TMEM35A: variants seen among roughly 807,000 people sequenced by gnomAD.
The protein encoded by TMEM35A is nicotinic acetylcholine receptor chaperone.
For missense variants in TMEM35A, 83 were observed against 132.7 expected, an observed-to-expected ratio of 0.63 and a Z score of 1.84; for synonymous variants, 50 against 54.7, an observed-to-expected ratio of 0.91 and a Z score of 0.38.
chrX:101,094,285 T>G (rs2089332426), intron 1 of TMEM35A: 2 of 173,991 alleles, frequency 1.1e-5, no homozygotes, highest in Non-Finnish European at 2.1e-5. Flanking sequence ...CTGGCTAATT[T>G]TTGTATTTTT....
intron 1 of TMEM35A, among the ~76,000 whole-genome samples, chrX:101,090,214 G>A (rs113608024): frequency 0.078 from 8,163 of 104,893 alleles, 1,143 homozygotes; most frequent in African/African-American, 0.29. Context: ...CCAGGCTGGT[G>A]CCATCTTGAC....
chrX:101,089,119 C>T (rs1210392596), intron 1 of TMEM35A, among the ~76,000 whole-genome samples: 2 of 111,472 alleles, frequency 1.8e-5, no homozygotes, highest in Non-Finnish European at 3.8e-5. Context: ...CAAGGTTTTA[C>T]TCTGCCTACT....
chrX:101,092,637 A>T (rs913126842), intron 1 of TMEM35A, among the ~76,000 whole-genome samples: 3 of 110,092 alleles, frequency 2.7e-5, no homozygotes, highest in Non-Finnish European at 5.7e-5. Flanking sequence ...AGGTGGGCAG[A>T]TCACCTGAGG....
At chrX:101,087,625 G>A (rs58556111) in intron 1 of TMEM35A, among the ~76,000 whole-genome samples, 11,225 of 111,310 alleles carry the variant, frequency 0.1, 1,389 homozygotes, top group African/African-American at 0.35. Flanking sequence ...GTTTGGCCCC[G>A]GGCTACAGAT....
chrX:101,088,023 A>G (rs2089312581), intron 1 of TMEM35A, among the ~76,000 whole-genome samples: 1 of 109,003 alleles, frequency 9.2e-6, no homozygotes, highest in African/African-American at 3.4e-5. Context: ...AAATAAATAA[A>G]TAAAATAAAA....
chrX:101,088,349 C>T (rs7882199), intron 1 of TMEM35A, among the ~76,000 whole-genome samples: 11,387 of 112,631 alleles, frequency 0.1, 1,401 homozygotes, highest in African/African-American at 0.35. Context: ...TGGTGGCTCA[C>T]GCCTGTAATC....
intron 1 of TMEM35A, among the ~76,000 whole-genome samples, chrX:101,094,202 A>C (rs1340683368): frequency 9.1e-6 from 1 of 109,316 alleles, no homozygotes; most frequent in Non-Finnish European, 1.9e-5. Context: ...TGCAATCTCC[A>C]TCTCCCGAGT....
intron 1 of TMEM35A, among the ~76,000 whole-genome samples, chrX:101,086,841 TAA>T (rs887997437): frequency 1.2e-4 from 13 of 111,288 alleles, no homozygotes; most frequent in African/African-American, 3.9e-4. Context: ...TCCATACAAT[TAA>T]AGTCTTTAGA....
intron 1 of TMEM35A, among the ~76,000 whole-genome samples, chrX:101,084,440 G>A (rs1326461571): frequency 5.9e-5 from 2 of 34,123 alleles, no homozygotes; most frequent in Non-Finnish European, 9.8e-5. Context: ...GCTTTCTTCT[G>A]CTTTCATATA....
In TMEM35A at chrX:101,079,048, C is replaced by G. The variant is rs1483593939; in HGVS notation, c.46C>G (p.Leu16Val). The change falls in exon 1 of 2, where the codon CTG becomes GTG. Residue 16 changes from leucine to valine, a missense_variant. Coordinates refer to ENST00000372930, the MANE Select transcript of TMEM35A (RefSeq NM_021637.3). Reference sequence around the variant, plus strand: ...AACTATTGTGGCCCTCTCAGTGGCCCTGGGACTCTTCTTTGTTTTCATGGG... The same window carrying G: ...AACTATTGTGGCCCTCTCAGTGGCCGTGGGACTCTTCTTTGTTTTCATGGG... Reference protein sequence around the residue: ...TVTIVALSVALGLFFVFMGTI... With the variant: ...TVTIVALSVAVGLFFVFMGTI... The G allele has an allele frequency of 1.7e-6, 2 of 1,211,436 alleles. No homozygotes were observed. The highest frequency in any genetic ancestry group is 2.2e-6 in the Non-Finnish European group (2 of 895,296).
At position 101,094,821 on chromosome X, in the gene TMEM35A, C is replaced by A; in HGVS notation, c.369C>A (p.Ile123=). ...KRYAHALVFG[I]LLTCRLLIAR... ...ACGCCCATGCTCTGGTGTTTGGAAT[C>A]CTGCTCACTTGCCGCCTGCTGATTG... is the stretch of plus-strand genomic sequence containing the variant. Residue 123 remains isoleucine, a synonymous_variant, in exon 2 of 2, where the codon ATC becomes ATA. Transcript: ENST00000372930. 1 of 1,211,132 alleles carries A rather than the reference C, an allele frequency of 8.3e-7. No individual in the cohort carries two copies. Among genetic ancestry groups the A allele is most frequent in the Non-Finnish European group, 1.1e-6 (1 of 895,572 alleles).
chrX:101,089,006 T>C (rs919519944), intron 1 of TMEM35A, among the ~76,000 whole-genome samples: 1 of 110,619 alleles, frequency 9.0e-6, no homozygotes, highest in Non-Finnish European at 1.9e-5. Context: ...GCAAGTGGCA[T>C]GTATTTAGGT....
Position 101,095,731 on chromosome X carries a change from AT to A in TMEM35A, c.*777del. The A allele has an allele frequency of 2.7e-5, 3 of 111,773 alleles. No individual in the cohort carries two copies. The highest frequency in any genetic ancestry group is 9.2e-3 in the Middle Eastern group (2 of 217). The allele number at this position is 111,773 out of a possible 1,213,427, so 9.2% of individuals were successfully genotyped here. A position where few individuals can be genotyped will look rare whatever the true frequency, so the allele number is the denominator to read the frequency against. ...CCTTGCCTTTGTCCAAGCCCCACCTATTAAAACCCTTTACTCACAGTTTGAA... is the reference window on the plus strand; with the variant it reads ...CCTTGCCTTTGTCCAAGCCCCACCTATAAAACCCTTTACTCACAGTTTGAA... On this transcript the variant is annotated 3_prime_UTR_variant, in exon 2 of 2. Transcript: ENST00000372930.
rs1337362385 is a variant in TMEM35A, at chrX:101,095,288, T to C, written c.*332T>C. On this transcript the variant is annotated 3_prime_UTR_variant, in exon 2 of 2. Transcript: ENST00000372930. ...TGTGGGAAAATGTATTTAACTACTC[T>C]GTGTGTGTGTGTGTGTGTGTGTGCG... 1.1e-5 allele frequency: 1 copy of C among 88,376 alleles called. No individual in the cohort carries two copies. The highest frequency in any genetic ancestry group is 9.9e-5 in the African/African-American group (1 of 10,150). 7.3% of individuals were successfully genotyped at this position (88,376 alleles called of 1,213,427 possible).
chrX:101,092,357 T>G (rs1281076832), intron 1 of TMEM35A, among the ~76,000 whole-genome samples: 3 of 111,840 alleles, frequency 2.7e-5, no homozygotes, highest in Admixed American at 9.6e-5. Context: ...AAAATATGAA[T>G]GATCTGTAAC....
intron 1 of TMEM35A, among the ~76,000 whole-genome samples, chrX:101,092,967 G>T (rs1314764373): frequency 8.9e-6 from 1 of 112,496 alleles, no homozygotes; most frequent in Non-Finnish European, 1.9e-5. Context: ...AAATGAGAAT[G>T]ATTTTGTCTT....
intron 1 of TMEM35A, among the ~76,000 whole-genome samples, chrX:101,080,115 A>G (rs995782733): frequency 2.7e-5 from 3 of 111,456 alleles, no homozygotes; most frequent in African/African-American, 9.8e-5. Flanking sequence ...CCTTTGCCAG[A>G]CTTCCAATAA....
intron 1 of TMEM35A, chrX:101,094,330 G>A (rs1306268698): frequency 1.2e-5 from 3 of 260,004 alleles, no homozygotes; most frequent in Non-Finnish European, 2.0e-5. Context: ...TGGCCAAGCT[G>A]TCTCCAATTC....
At chrX:101,084,928 C>T (rs1183946288) in intron 1 of TMEM35A, among the ~76,000 whole-genome samples, 2 of 111,202 alleles carry the variant, frequency 1.8e-5, no homozygotes, top group Non-Finnish European at 3.8e-5. Flanking sequence ...CCCACATGAC[C>T]AGCACCCCAG....
Sources: gnomAD v4.1 joint callset for allele counts (sites outside exome capture counted in the v4.1 genomes callset) on GRCh38, gnomAD v4.1.1 for gene constraint, MANE v1.5 for transcripts, NCBI Gene and HGNC (gene_info 2026-07-23, HGNC 2026-07-21) for gene names.